Variants in XRRA1 observed in about 807,000 individuals in gnomAD.
The protein encoded by XRRA1 is X-ray radiation resistance associated 1, also known as X-ray radiation resistance-associated protein 1.
In XRRA1, 69 loss-of-function variants were observed where a neutral mutation model predicts 80.2. That is an observed-to-expected ratio of 0.86 (90% CI 0.71 to 1.05). The LOEUF is 1.05. Ranked by LOEUF, XRRA1 falls within the 50% of genes least tolerant of loss-of-function variation. The pLI, the probability that XRRA1 is intolerant of heterozygous loss-of-function variation, is 0.00. For missense variants in XRRA1, 967 were observed against 976.4 expected, an observed-to-expected ratio of 0.99 and a Z score of 0.13; for synonymous variants, 348 against 389.9, an observed-to-expected ratio of 0.89 and a Z score of 1.27.
chr11:74,874,944 T>TC (rs1416465693), intron 10 of XRRA1, among the ~76,000 whole-genome samples: 1 of 152,096 alleles, frequency 6.6e-6, no homozygotes, highest in Non-Finnish European at 1.5e-5. Context: ...TGCACCCCTC[T>TC]CCCCAGGCAC....
intron 10 of XRRA1, among the ~76,000 whole-genome samples, chr11:74,887,884 C>T (rs994451095): frequency 2.0e-5 from 3 of 152,088 alleles, no homozygotes; most frequent in Non-Finnish European, 2.9e-5. Context: ...GAGGGGCACC[C>T]GCCATTGCCG....
intron 2 of XRRA1, among the ~76,000 whole-genome samples, chr11:74,942,929 G>A (rs888753307): frequency 6.6e-6 from 1 of 152,246 alleles, no homozygotes; most frequent in Non-Finnish European, 1.5e-5. Context: ...GAGATGGGCA[G>A]ACCCGCAGAG....
At chr11:74,926,224 T>C (rs1404395888) in intron 7 of XRRA1, among the ~76,000 whole-genome samples, 3 of 152,200 alleles carry the variant, frequency 2.0e-5, no homozygotes, top group Non-Finnish European at 4.4e-5. Context: ...TGCAAAGATA[T>C]ATAATCCAAT....
At chr11:74,882,271 C>T (rs1281462549) in intron 10 of XRRA1, among the ~76,000 whole-genome samples, 93 of 151,890 alleles carry the variant, frequency 6.1e-4, no homozygotes, top group East Asian at 2.7e-3. Context: ...CATCTTCCAT[C>T]GCTGATACCC....
intron 10 of XRRA1, among the ~76,000 whole-genome samples, chr11:74,888,898 G>C (rs917971222): frequency 2.0e-5 from 3 of 152,178 alleles, no homozygotes; most frequent in Admixed American, 6.5e-5. Flanking sequence ...AGAAATATGG[G>C]ACTATGTGAA....
chr11:74,907,256 G>C lies in XRRA1; in HGVS notation c.674C>G (p.Ser225Trp), dbSNP rs148891580. ...CAGGATGTACCTCTTGCTTGTCAGCGATGTTACAGATGCCTCCCTGTGAGT... is the reference window on the plus strand; with the variant it reads ...CAGGATGTACCTCTTGCTTGTCAGCCATGTTACAGATGCCTCCCTGTGAGT... ...AVAEQEASVT[S>W]LTSKRYILRF... The change falls in exon 9 of 19, where the codon TCG (serine) becomes TGG (tryptophan). Residue 225 changes from serine (S) to tryptophan (W), a missense_variant. By Grantham distance (177) the Ser-to-Trp change is radical. Transcript: ENST00000684022. 6.2e-7 allele frequency: 1 copy of C among 1,613,886 alleles called. No homozygotes were observed. Among genetic ancestry groups the C allele is most frequent in the Non-Finnish European group, 8.5e-7 (1 of 1,179,850 alleles).
In XRRA1 at chr11:74,900,121, C is replaced by T. The variant is rs184053671; in HGVS notation, c.1003+6118G>A. Among the ~76,000 whole-genome samples the T allele has an allele frequency of 1.7e-3, 262 of 150,858 alleles. 3 individuals are homozygous for T. Among genetic ancestry groups the T allele is most frequent in the Non-Finnish European group, 6.8e-4 (46 of 67,668 alleles). On this transcript the variant is annotated intron_variant, in intron 10 of 18. Coordinates refer to ENST00000684022, the MANE Select transcript of XRRA1 (RefSeq NM_001378157.1). ...CGGAGGTTGCAGTGAGCCGAGAAAC[C>T]GCCACTGCACTCCAGCCTGGGCAAT...
chr11:74,924,493 AAG>A (rs1310611394), intron 7 of XRRA1, among the ~76,000 whole-genome samples: 8 of 150,606 alleles, frequency 5.3e-5, no homozygotes, highest in Admixed American at 2.0e-4. Flanking sequence ...AAAAAAGAAT[AAG>A]AGTGTGTTTC....
chr11:74,857,514 C>G (rs1170961399), intron 12 of XRRA1, among the ~76,000 whole-genome samples: 5 of 152,128 alleles, frequency 3.3e-5, no homozygotes, highest in Non-Finnish European at 5.9e-5. Context: ...TAAGTAAATT[C>G]ACAACCACGT....
intron 3 of XRRA1, among the ~76,000 whole-genome samples, chr11:74,938,353 T>C (rs1368172575): frequency 6.6e-6 from 1 of 152,216 alleles, no homozygotes; most frequent in African/African-American, 2.4e-5. Flanking sequence ...GCTTCTACTT[T>C]ATCCTATCTT....
chr11:74,857,635 T>G (rs539785462), intron 12 of XRRA1, among the ~76,000 whole-genome samples: 5 of 152,240 alleles, frequency 3.3e-5, no homozygotes, highest in East Asian at 3.9e-4. Context: ...TATAGAACAC[T>G]TTCCCCCAAA....
chr11:74,877,557 A>G (rs2046338098), intron 10 of XRRA1, among the ~76,000 whole-genome samples: 1 of 151,496 alleles, frequency 6.6e-6, no homozygotes, highest in Non-Finnish European at 1.5e-5. Flanking sequence ...GGTGCGCTGC[A>G]CCCACTAACT....
intron 10 of XRRA1, among the ~76,000 whole-genome samples, chr11:74,905,628 G>A (rs1319031124): frequency 6.6e-6 from 1 of 152,132 alleles, no homozygotes; most frequent in Non-Finnish European, 1.5e-5. Context: ...TGTTTTTGCT[G>A]TAGTCTAGCA....
chr11:74,944,019 G>A (rs553492185), intron 2 of XRRA1, among the ~76,000 whole-genome samples: 2 of 152,090 alleles, frequency 1.3e-5, no homozygotes, highest in African/African-American at 2.4e-5. Flanking sequence ...ACAGGGTTTC[G>A]CCATATTGCC....
chr11:74,932,448 C>G (rs1209175771), intron 5 of XRRA1, among the ~76,000 whole-genome samples: 1 of 150,046 alleles, frequency 6.7e-6, no homozygotes, highest in African/African-American at 2.5e-5. Context: ...AGCCCAGCCT[C>G]CTCCCTCTCT....
intron 10 of XRRA1, among the ~76,000 whole-genome samples, chr11:74,894,516 G>A (rs2051708310): frequency 1.3e-5 from 2 of 152,164 alleles, no homozygotes; most frequent in South Asian, 4.1e-4. Context: ...TTACAATCAT[G>A]GCAGAAAGCG....
At chr11:74,921,053 G>A (rs936499145) in intron 8 of XRRA1, among the ~76,000 whole-genome samples, 161 bp downstream of exon 8, 39 of 152,144 alleles carry the variant, frequency 2.6e-4, no homozygotes, top group African/African-American at 9.4e-4. Context: ...CAGGAAATTG[G>A]GGGCGTGTGT....
At chr11:74,906,983 A>G (rs1591296909) in intron 9 of XRRA1, 162 bp downstream of exon 9, 1 of 925,028 alleles carries the variant, frequency 1.1e-6, no homozygotes, top group East Asian at 2.5e-5. Flanking sequence ...TGGAGGAGCC[A>G]AAGCTCAGAG....
At chr11:74,888,852 T>A (rs972812307) in intron 10 of XRRA1, among the ~76,000 whole-genome samples, 3 of 151,650 alleles carry the variant, frequency 2.0e-5, no homozygotes, top group South Asian at 2.1e-4. Context: ...GAAGAGAAAC[T>A]GAGAGAAAAA....
Sources: allele counts gnomAD v4.1 joint callset (sites outside exome capture counted in the v4.1 genomes callset), GRCh38; gene constraint gnomAD v4.1.1; transcripts MANE v1.5; gene names NCBI Gene and HGNC (gene_info 2026-07-23, HGNC 2026-07-21).